Variants in FLT1 observed in about 807,000 individuals in gnomAD.
FLT1 encodes the protein vascular endothelial growth factor receptor 1.
Under a neutral mutation model 156.3 loss-of-function variants are expected in FLT1, and 49 were observed. The observed-to-expected ratio is 0.31, with a 90% confidence interval of 0.25 to 0.40. The LOEUF (loss-of-function observed/expected upper bound fraction) is 0.40. Ranked by LOEUF, FLT1 falls within the 10% of genes least tolerant of loss-of-function variation. The probability of loss-of-function intolerance (pLI) is 1.00; values close to 1 mark genes in which losing one functional copy is unlikely to be tolerated. For synonymous variants in FLT1, 594 were observed against 583.8 expected (o/e 1.02, Z -0.25); for missense variants, 1,322 against 1,637.2 (o/e 0.81, Z 3.32).
At chr13:28,442,693 A>C (rs905228090) in intron 3 of FLT1, among the ~76,000 whole-genome samples, 1 of 130,048 alleles carries the variant, frequency 7.7e-6, no homozygotes, top group African/African-American at 3.2e-5. Context: ...TGAGCATATG[A>C]CTGTAGATAC....
At chr13:28,494,109 G>T (rs963493625) in intron 1 of FLT1, among the ~76,000 whole-genome samples, 1 of 152,138 alleles carries the variant, frequency 6.6e-6, no homozygotes, top group Non-Finnish European at 1.5e-5. Context: ...GTCCGAGAGC[G>T]GCGGGGAGGA....
chr13:28,373,873 ATCTCT>A (rs1379793148), intron 14 of FLT1, among the ~76,000 whole-genome samples: 1 of 152,042 alleles, frequency 6.6e-6, no homozygotes, highest in Non-Finnish European at 1.5e-5. Context: ...ATCTCTTTGT[ATCTCT>A]TCTCTTTGTT....
intron 20 of FLT1, among the ~76,000 whole-genome samples, chr13:28,327,100 T>C (rs1871715422): frequency 6.6e-6 from 1 of 152,248 alleles, no homozygotes; most frequent in South Asian, 2.1e-4. Context: ...ATATTAACTA[T>C]TATCTTCCTT....
intron 3 of FLT1, among the ~76,000 whole-genome samples, chr13:28,440,934 C>G (rs1204747642): frequency 6.6e-6 from 1 of 152,088 alleles, no homozygotes; most frequent in East Asian, 1.9e-4. Flanking sequence ...CCCCTCCTCC[C>G]AAGAATGTCA....
Position 28,300,508 on chromosome 13 carries a change from AAC to A in FLT1, c.*2657_*2658del, listed in dbSNP as rs1175532635. 1 of 194,938 alleles carries A rather than the reference AAC, an allele frequency of 5.1e-6. No homozygotes were observed. Among genetic ancestry groups the A allele is most frequent in the South Asian group, 2.6e-4 (1 of 3,886 alleles). The allele number at this position is 194,938 out of a possible 1,614,324, so 12.1% of individuals were successfully genotyped here. ...AGTTTCCTTAAATAGTTATGCACAA[AAC>A]ACACATACACCCACACACACACACA... On this transcript the variant is annotated 3_prime_UTR_variant, in exon 30 of 30. Transcript: ENST00000282397.
intron 23 of FLT1, among the ~76,000 whole-genome samples, chr13:28,320,681 A>G (rs1196303323): frequency 6.6e-6 from 1 of 152,120 alleles, no homozygotes. Flanking sequence ...CTGGTTAGAA[A>G]TGCAAATTCT....
intron 1 of FLT1, among the ~76,000 whole-genome samples, chr13:28,474,485 GACACACACAC>G (rs57021123): frequency 4.4e-4 from 49 of 112,486 alleles, no homozygotes; most frequent in African/African-American, 1.3e-3. Context: ...AACAACCACA[GACACACACAC>G]ACACACACAC....
intron 10 of FLT1, among the ~76,000 whole-genome samples, chr13:28,410,601 A>G (rs1376863952): frequency 1.3e-5 from 2 of 152,220 alleles, no homozygotes; most frequent in African/African-American, 4.8e-5. Flanking sequence ...CTTTCAATAA[A>G]TGATATTAAG....
chr13:28,328,045 A>G (rs7982058), intron 19 of FLT1, among the ~76,000 whole-genome samples: 143,282 of 152,186 alleles, frequency 0.94, 67,854 homozygotes, highest in East Asian at 1. Context: ...CTACAGTAGG[A>G]ATCGGCAAAC....
chr13:28,339,407 G>C (rs887629060), intron 16 of FLT1, 107 bp from the exon 17 acceptor site: 18 of 1,187,910 alleles, frequency 1.5e-5, no homozygotes, highest in South Asian at 6.8e-5. Context: ...GGTTGAAACT[G>C]TGTGGCCAGG....
At chr13:28,488,001 G>A (rs12873980) in intron 1 of FLT1, among the ~76,000 whole-genome samples, 76,911 of 150,004 alleles carry the variant, frequency 0.51, 20,204 homozygotes, top group South Asian at 0.61. Context: ...CCAGCAGAAG[G>A]CGGCATGAGA....
chr13:28,460,748 T>C (rs1879526693), intron 3 of FLT1, among the ~76,000 whole-genome samples: 1 of 142,010 alleles, frequency 7.0e-6, no homozygotes, highest in Admixed American at 7.7e-5. Context: ...ACTTTTAAAC[T>C]TATTATGCTA....
chr13:28,383,676 A>T (rs1225277557), intron 14 of FLT1, among the ~76,000 whole-genome samples: 1 of 151,758 alleles, frequency 6.6e-6, no homozygotes, highest in Non-Finnish European at 1.5e-5. Flanking sequence ...TAAAAAAAAA[A>T]AAATTAGCTG....
chr13:28,408,337 AG>A (rs764471717), intron 10 of FLT1, among the ~76,000 whole-genome samples: 6 of 152,220 alleles, frequency 3.9e-5, no homozygotes, highest in South Asian at 2.1e-4. Context: ...GCAGTTACTA[AG>A]GGCACAAGCC....
intron 3 of FLT1, among the ~76,000 whole-genome samples, chr13:28,440,981 T>C (rs577953174): frequency 1.3e-5 from 2 of 152,170 alleles, no homozygotes; most frequent in South Asian, 2.1e-4. Context: ...GTTATTAAAC[T>C]GTCTTTCTAA....
chr13:28,362,798 A>G (rs1310846121), intron 14 of FLT1, among the ~76,000 whole-genome samples: 2 of 152,210 alleles, frequency 1.3e-5, no homozygotes, highest in Admixed American at 6.5e-5. Flanking sequence ...AGCTAACATC[A>G]TCTGGCACAG....
At chr13:28,387,448 C>T in intron 13 of FLT1, 1 of 1,058,078 alleles carries the variant, frequency 9.5e-7, no homozygotes, top group Non-Finnish European at 1.1e-6. Context: ...TAGGTAGTGG[C>T]TTTCCAAAAT....
chr13:28,371,956 G>T lies in FLT1; in HGVS notation c.2116+12929C>A, dbSNP rs540413377. Among the ~76,000 whole-genome samples, 60 of 147,862 alleles carry T rather than the reference G, an allele frequency of 4.1e-4. 1 individual carries two copies. Among genetic ancestry groups the T allele is most frequent in the South Asian group, 2.6e-3 (12 of 4,626 alleles). On this transcript the variant is annotated intron_variant, in intron 14 of 29. Coordinates refer to ENST00000282397, the MANE Select transcript of FLT1 (RefSeq NM_002019.4). ...ATTCAAGGTCCCTGTTTTGTTCCCA[G>T]CACCTAATATGCCTGTCACAAGGTT...
chr13:28,429,109 A>C (rs1239242558), intron 8 of FLT1, among the ~76,000 whole-genome samples: 3 of 152,156 alleles, frequency 2.0e-5, no homozygotes, highest in African/African-American at 7.2e-5. Context: ...ATTAAACCTA[A>C]AAATTTACTA....
Sources: allele counts gnomAD v4.1 joint callset (sites outside exome capture counted in the v4.1 genomes callset), GRCh38; gene constraint gnomAD v4.1.1; transcripts MANE v1.5; gene names NCBI Gene and HGNC (gene_info 2026-07-23, HGNC 2026-07-21).